Variants in KCNIP4 observed in about 807,000 individuals in gnomAD.
KCNIP4 encodes Kv channel-interacting protein 4.
Under a neutral mutation model 34.0 loss-of-function variants are expected in KCNIP4, and 12 were observed. The ratio of observed to expected loss-of-function variants is 0.35; its 90% CI spans 0.23 to 0.57. The LOEUF (loss-of-function observed/expected upper bound fraction) is 0.57. KCNIP4 is among the 20% of genes least tolerant of loss of function. The pLI, the probability that KCNIP4 is intolerant of heterozygous loss-of-function variation, is 0.83. For synonymous variants in KCNIP4, 124 were observed against 102.2 expected (o/e 1.21, Z -1.29); for missense variants, 238 against 311.7 (o/e 0.76, Z 1.78).
chr4:21,437,062 C>T (rs1727001822), intron 1 of KCNIP4, among the ~76,000 whole-genome samples: 1 of 152,262 alleles, frequency 6.6e-6, no homozygotes, highest in African/African-American at 2.4e-5. Context: ...AAGGTGATAA[C>T]TTATTTATTT....
rs1290795720 is a variant in KCNIP4 at position 21,798,536 on chromosome 4, A to AAG, written c.61+150033_61+150034dup. On this transcript the variant is annotated intron_variant, in intron 1 of 8. Coordinates refer to ENST00000382152, the MANE Select transcript of KCNIP4 (RefSeq NM_025221.6). ...GGAAAAAAAAAAAAAAAAAAAAGGAAAGAGAGAGAGAGAAAGAGAGAAAGA... is the reference window on the plus strand; with the variant it reads ...GGAAAAAAAAAAAAAAAAAAAAGGAAAGAGAGAGAGAGAGAAAGAGAGAAAGA... Among the ~76,000 whole-genome samples the AAG allele has an allele frequency of 2.0e-3, 265 of 134,492 alleles. 1 individual carries two copies. Among genetic ancestry groups the AAG allele is most frequent in the South Asian group, 7.2e-3 (30 of 4,160 alleles). The allele number at this position is 134,492 out of a possible 152,430, so 88.2% of individuals were successfully genotyped here.
chr4:21,333,037 G>A (rs2109328453), intron 1 of KCNIP4, among the ~76,000 whole-genome samples: 1 of 152,032 alleles, frequency 6.6e-6, no homozygotes, highest in Middle Eastern at 3.4e-3. Flanking sequence ...CTGTTTCCCT[G>A]AAGTCCTTTC....
intron 1 of KCNIP4, among the ~76,000 whole-genome samples, chr4:21,493,034 T>C (rs1732541217): frequency 6.6e-6 from 1 of 152,120 alleles, no homozygotes; most frequent in South Asian, 2.1e-4. Flanking sequence ...CAGCAGGCAA[T>C]AGGGTTTTTG....
chr4:21,694,680 T>C (rs1348032952), intron 1 of KCNIP4, among the ~76,000 whole-genome samples: 1 of 151,992 alleles, frequency 6.6e-6, no homozygotes, highest in Non-Finnish European at 1.5e-5. Context: ...CATGAAAAGC[T>C]CTCACAAAAG....
At chr4:21,835,477 A>T (rs115394374) in intron 1 of KCNIP4, among the ~76,000 whole-genome samples, 2,096 of 148,768 alleles carry the variant, frequency 0.014, 40 homozygotes, top group African/African-American at 0.048. Context: ...ACCTTGGATG[A>T]CCCTGTGAAT....
intron 1 of KCNIP4, among the ~76,000 whole-genome samples, chr4:21,089,281 C>T (rs1346160845): frequency 6.6e-6 from 1 of 152,146 alleles, no homozygotes; most frequent in Non-Finnish European, 1.5e-5. Context: ...AAGTGTTTAG[C>T]ACCTCCCTCT....
At chr4:20,955,114 A>T (rs899866628) in intron 1 of KCNIP4, among the ~76,000 whole-genome samples, 8 of 152,154 alleles carry the variant, frequency 5.3e-5, no homozygotes, top group Non-Finnish European at 1.2e-4. Flanking sequence ...TTGCAGTGGC[A>T]GCTTCCTTGA....
chr4:21,166,938 C>CAAAAAAAAAAAAAAAAAAAAAA (rs55649635), intron 1 of KCNIP4, among the ~76,000 whole-genome samples: 4 of 37,562 alleles, frequency 1.1e-4, no homozygotes, highest in African/African-American at 4.3e-4. Flanking sequence ...CACTCCATCT[C>CAAAAAAAAAAAAAAAAAAAAAA]AAAAAAAAAA....
chr4:21,177,862 A>T (rs1754534421), intron 1 of KCNIP4, among the ~76,000 whole-genome samples: 1 of 146,346 alleles, frequency 6.8e-6, no homozygotes, highest in African/African-American at 2.6e-5. Context: ...AAAAAATTAT[A>T]TATATATATA....
intron 1 of KCNIP4, among the ~76,000 whole-genome samples, chr4:21,924,704 A>AGTAGATAAACT (rs1729134634): frequency 6.6e-6 from 1 of 152,164 alleles, no homozygotes; most frequent in Non-Finnish European, 1.5e-5. Context: ...ATAGATTTGG[A>AGTAGATAAACT]GTAGATAAAC....
intron 1 of KCNIP4, among the ~76,000 whole-genome samples, chr4:21,742,041 T>C (rs554468801): frequency 1.1e-4 from 17 of 151,928 alleles, no homozygotes; most frequent in Middle Eastern, 3.4e-3. Context: ...CATCTCAAAA[T>C]AAACAAACAA....
At chr4:21,145,316 AATTAT>A (rs1402056139) in intron 1 of KCNIP4, among the ~76,000 whole-genome samples, 1 of 152,178 alleles carries the variant, frequency 6.6e-6, no homozygotes, top group Non-Finnish European at 1.5e-5. Flanking sequence ...AGGTCTAACA[AATTAT>A]TCAGAGTTTC....
chr4:20,946,610 A>G (rs1204958181), intron 1 of KCNIP4, among the ~76,000 whole-genome samples: 1 of 152,204 alleles, frequency 6.6e-6, no homozygotes, highest in Non-Finnish European at 1.5e-5. Context: ...ATAGACTGAA[A>G]GCAGGAAAAT....
intron 1 of KCNIP4, among the ~76,000 whole-genome samples, chr4:20,959,600 C>G (rs989767356): frequency 6.6e-6 from 1 of 152,182 alleles, no homozygotes; most frequent in Non-Finnish European, 1.5e-5. Context: ...GACACACTCA[C>G]TCTCTCTCTG....
At chr4:21,151,826 T>A (rs1194983217) in intron 1 of KCNIP4, among the ~76,000 whole-genome samples, 2 of 152,062 alleles carry the variant, frequency 1.3e-5, no homozygotes, top group Non-Finnish European at 2.9e-5. Context: ...CTCTGAAAAG[T>A]TCTCCTTGCA....
At chr4:21,232,412 T>C (rs1326637213) in intron 1 of KCNIP4, among the ~76,000 whole-genome samples, 1 of 152,154 alleles carries the variant, frequency 6.6e-6, no homozygotes, top group Non-Finnish European at 1.5e-5. Context: ...AAGAAGGAAT[T>C]CAATAAAAGA....
chr4:20,905,785 G>C (rs1238805780), intron 1 of KCNIP4, among the ~76,000 whole-genome samples: 2 of 151,806 alleles, frequency 1.3e-5, no homozygotes, highest in African/African-American at 4.8e-5. Flanking sequence ...CTCCCAAAGA[G>C]CTGGGATTAT....
chr4:21,686,640 TAC>T (rs1419250308), intron 1 of KCNIP4, among the ~76,000 whole-genome samples: 3 of 152,156 alleles, frequency 2.0e-5, no homozygotes, highest in African/African-American at 7.2e-5. Context: ...TAAAAATGTG[TAC>T]AGTTAGAGAG....
intron 1 of KCNIP4, among the ~76,000 whole-genome samples, chr4:21,409,893 G>A (rs527568191): frequency 2.6e-5 from 4 of 152,236 alleles, no homozygotes; most frequent in South Asian, 2.1e-4. Context: ...AGACCAAAGC[G>A]AAGAGGAAGA....
Sources: allele counts gnomAD v4.1 joint callset (sites outside exome capture counted in the v4.1 genomes callset), GRCh38; gene constraint gnomAD v4.1.1; transcripts MANE v1.5; gene names NCBI Gene and HGNC (gene_info 2026-07-23, HGNC 2026-07-21).